The following SLC26A3 variants were observed in gnomAD, a reference collection of about 807,000 sequenced individuals.
The protein encoded by SLC26A3 is solute carrier family 26 member 3.
A neutral mutation model predicts 85.6 loss-of-function variants in SLC26A3; 64 were observed. The observed-to-expected ratio is 0.75, with a 90% CI of 0.61 to 0.92. The LOEUF is 0.92. Among genes scored for constraint, SLC26A3 ranks in the 40% least tolerant of loss-of-function variants. The probability of loss-of-function intolerance (pLI) is 0.00; values close to 1 mark genes in which losing one functional copy is unlikely to be tolerated. For synonymous variants in SLC26A3, 349 were observed against 336.0 expected, an observed-to-expected ratio of 1.04 and a Z score of -0.42; for missense variants, 922 against 927.3, an observed-to-expected ratio of 0.99 and a Z score of 0.07.
At chr7:107,790,328 C>T (rs1794372022) in intron 5 of SLC26A3, among the ~76,000 whole-genome samples, 2 of 152,148 alleles carry the variant, frequency 1.3e-5, no homozygotes, top group Non-Finnish European at 2.9e-5. Context: ...TGTGGCTGCC[C>T]AAAGCCCAGT....
At chr7:107,801,897 T>A (rs1427036912) in intron 1 of SLC26A3, among the ~76,000 whole-genome samples, 5 of 137,862 alleles carry the variant, frequency 3.6e-5, no homozygotes, top group African/African-American at 1.4e-4. Context: ...CTGGCCAACA[T>A]GGCGAAACCC....
chr7:107,800,593 G>A (rs1377214216), intron 1 of SLC26A3, among the ~76,000 whole-genome samples: 2 of 152,248 alleles, frequency 1.3e-5, no homozygotes, highest in African/African-American at 4.8e-5. Flanking sequence ...AGTTTCCCAA[G>A]GGCAAGGCCC....
At chr7:107,792,669 G>A (rs947705469) in intron 3 of SLC26A3, among the ~76,000 whole-genome samples, 18 of 152,120 alleles carry the variant, frequency 1.2e-4, no homozygotes, top group African/African-American at 3.6e-4. Context: ...AACAGGCCAC[G>A]GACCTGTACT....
At position 107,794,594 on chromosome 7, in the gene SLC26A3, A is replaced by G; in HGVS notation, c.-85T>C. On this transcript the variant is annotated 5_prime_UTR_variant, in exon 2 of 21. Coordinates refer to ENST00000340010, the MANE Select transcript of SLC26A3 (RefSeq NM_000111.3). ...TCTTCTTGCCTTTAGCAGGTTAAAAATGCCTGAAACCAAACAGAGCTTGCT... is the reference window on the plus strand; with the variant it reads ...TCTTCTTGCCTTTAGCAGGTTAAAAGTGCCTGAAACCAAACAGAGCTTGCT... 6.8e-7 allele frequency: 1 copy of G among 1,475,450 alleles called. No individual in the cohort carries two copies. The highest frequency in any genetic ancestry group is 2.3e-5 in the East Asian group (1 of 44,106). 91.4% of individuals were successfully genotyped at this position (1,475,450 alleles called of 1,614,324 possible).
chr7:107,768,894 G>A (rs560014595), intron 18 of SLC26A3, among the ~76,000 whole-genome samples: 62 of 152,234 alleles, frequency 4.1e-4, no homozygotes, highest in African/African-American at 1.4e-3. Context: ...GAGAGGGAGC[G>A]TGGAGGGCAT....
intron 12 of SLC26A3, 108 bp downstream of exon 12, chr7:107,779,560 T>A: frequency 1.1e-6 from 1 of 907,774 alleles, no homozygotes; most frequent in South Asian, 1.4e-5. Context: ...TGAACAGATA[T>A]ATAGAAACAA....
At position 107,767,649 on chromosome 7, in the gene SLC26A3, GA is replaced by G; in HGVS notation, c.2206-6del. On this transcript the variant is annotated splice_region_variant and splice_polypyrimidine_tract_variant and intron_variant, in intron 19 of 20. Transcript: ENST00000340010. Reference sequence around the variant, plus strand: ...ATCAATTTTTCCATCTTTTTCCTGAGAAAAAGAGAATGGAAATATGGATTAG... The same window carrying G: ...ATCAATTTTTCCATCTTTTTCCTGAGAAAAGAGAATGGAAATATGGATTAG... The G allele has an allele frequency of 6.2e-7, 1 of 1,609,488 alleles. No homozygotes were observed. The highest frequency in any genetic ancestry group is 1.3e-5 in the African/African-American group (1 of 74,810).
chr7:107,799,864 G>A (rs1794572656), intron 1 of SLC26A3, among the ~76,000 whole-genome samples: 1 of 152,314 alleles, frequency 6.6e-6, no homozygotes, highest in African/African-American at 2.4e-5. Flanking sequence ...GTCCACAAAA[G>A]TCAGCTGGAA....
intron 3 of SLC26A3, among the ~76,000 whole-genome samples, chr7:107,792,320 A>T (rs1468932415): frequency 2.0e-5 from 3 of 152,100 alleles, no homozygotes; most frequent in African/African-American, 7.2e-5. Flanking sequence ...TTATTATTAC[A>T]TTGTAATATT....
At chr7:107,787,935 C>T (rs1433759186) in intron 6 of SLC26A3, among the ~76,000 whole-genome samples, 3 of 152,112 alleles carry the variant, frequency 2.0e-5, no homozygotes, top group Non-Finnish European at 2.9e-5. Context: ...AATTCCTGGC[C>T]CTCTTGGGGG....
At chr7:107,794,844 A>G (rs927628613) in intron 1 of SLC26A3, among the ~76,000 whole-genome samples, 3 of 152,240 alleles carry the variant, frequency 2.0e-5, no homozygotes, top group Admixed American at 2.0e-4. Flanking sequence ...TCAGTTTATG[A>G]ATCAATTAGT....
intron 3 of SLC26A3, 89 bp downstream of exon 3, chr7:107,793,653 A>G (rs1463451307): frequency 1.0e-6 from 1 of 985,484 alleles, no homozygotes; most frequent in African/African-American, 1.6e-5. Context: ...CAGATGCACA[A>G]CCTAGTGAAT....
At chr7:107,786,709 G>A in intron 8 of SLC26A3, 118 bp downstream of exon 8, 2 of 855,868 alleles carry the variant, frequency 2.3e-6, no homozygotes, top group Non-Finnish European at 4.0e-6. Context: ...AGGGTGCAGG[G>A]AGGATTCTGA....
intron 12 of SLC26A3, 104 bp from the exon 13 acceptor site, chr7:107,778,385 C>G: frequency 4.1e-6 from 2 of 493,708 alleles, no homozygotes; most frequent in Non-Finnish European, 6.7e-6. Context: ...TTTGTAGCGA[C>G]AGTGAGACCT....
Position 107,779,741 on chromosome 7 carries a change from A to G in SLC26A3, c.1334T>C (p.Leu445Ser). 1 of 1,613,992 alleles carries G rather than the reference A, an allele frequency of 6.2e-7. No individual in the cohort carries two copies. Among genetic ancestry groups the G allele is most frequent in the Non-Finnish European group, 8.5e-7 (1 of 1,179,932 alleles). Residue 445 changes from leucine (L) to serine (S), a missense_variant, in exon 12 of 21, where the codon TTG becomes TCG. Coordinates refer to ENST00000340010, the MANE Select transcript of SLC26A3 (RefSeq NM_000111.3). ...LQKSVLAALA[L>S]GNLKGMLMQF... is the part of the protein sequence containing the mutation. Reference sequence around the variant, plus strand: ...CATCAGCATTCCCTTTAAGTTTCCCAATGCTAAAGCTGCCAGGACGGACTG... The same window carrying G: ...CATCAGCATTCCCTTTAAGTTTCCCGATGCTAAAGCTGCCAGGACGGACTG...
intron 18 of SLC26A3, among the ~76,000 whole-genome samples, chr7:107,771,526 A>G (rs1177980970): frequency 6.6e-6 from 1 of 152,188 alleles, no homozygotes; most frequent in Non-Finnish European, 1.5e-5. Flanking sequence ...TTTGAGAGGT[A>G]GGAGGTGAAT....
rs752803025 is a variant in SLC26A3, at chr7:107,765,811, T to G, written c.*44A>C. On this transcript the variant is annotated 3_prime_UTR_variant, in exon 21 of 21. Transcript: ENST00000340010. ...ATAACTTTCTGGGTATAAAGTTGTT[T>G]TTATGTCATAGTCAGATGAAGATCC... 1.3e-6 allele frequency: 2 copies of G among 1,496,680 alleles called. No individual in the cohort carries two copies. Among genetic ancestry groups the G allele is most frequent in the African/African-American group, 1.4e-5 (1 of 72,620 alleles). The allele number at this position is 1,496,680 out of a possible 1,614,324, so 92.7% of individuals were successfully genotyped here.
intron 18 of SLC26A3, among the ~76,000 whole-genome samples, chr7:107,769,213 A>G (rs1793964300): frequency 1.3e-5 from 2 of 152,154 alleles, no homozygotes; most frequent in Admixed American, 1.3e-4. Flanking sequence ...TTGACCCAGC[A>G]ATTCCATTAC....
chr7:107,797,222 G>A (rs954659154), intron 1 of SLC26A3, among the ~76,000 whole-genome samples: 2 of 152,180 alleles, frequency 1.3e-5, no homozygotes, highest in African/African-American at 2.4e-5. Flanking sequence ...GGCCAGGCGC[G>A]GTGGCTTACG....
Sources: allele counts gnomAD v4.1 joint callset (sites outside exome capture counted in the v4.1 genomes callset), GRCh38; gene constraint gnomAD v4.1.1; transcripts MANE v1.5; gene names NCBI Gene and HGNC (gene_info 2026-07-23, HGNC 2026-07-21).